FLAD1: variants seen among roughly 807,000 people sequenced by gnomAD.
The protein encoded by FLAD1 is flavin adenine dinucleotide synthetase 1, also known as bifunctional FAD diphosphatase/FAD synthase.
A neutral mutation model predicts 55.0 loss-of-function variants in FLAD1; 35 were observed. The ratio of observed to expected loss-of-function variants is 0.64; its 90% CI spans 0.49 to 0.84. The LOEUF (loss-of-function observed/expected upper bound fraction) is 0.84, where lower values mean the gene tolerates loss of function less well. FLAD1 is among the 40% of genes least tolerant of loss of function. The pLI, the probability that FLAD1 is intolerant of heterozygous loss-of-function variation, is 0.00. For synonymous variants in FLAD1, 267 were observed against 303.0 expected, an observed-to-expected ratio of 0.88 and a Z score of 1.23; for missense variants, 665 against 742.6, an observed-to-expected ratio of 0.90 and a Z score of 1.21.
chr1:154,988,571 A>G lies in FLAD1; in HGVS notation c.839A>G (p.His280Arg). Residue 280 changes from histidine (H) to arginine (R), a missense_variant, in exon 2 of 7, where the codon CAC (histidine) becomes CGC (arginine). Coordinates refer to ENST00000292180, the MANE Select transcript of FLAD1 (RefSeq NM_025207.5). ...GLFQNPAVQFHSKELYVAADE... is the reference protein window; with the variant it reads ...GLFQNPAVQFRSKELYVAADE... The stretch of plus-strand genomic sequence containing the variant: ...TTCCAAAACCCAGCTGTTCAGTTCC[A>G]CTCAAAGGAGCTATATGTGGCTGCT... 1 of 1,614,016 alleles carries G rather than the reference A, an allele frequency of 6.2e-7. No homozygotes were observed. The highest frequency in any genetic ancestry group is 8.5e-7 in the Non-Finnish European group (1 of 1,179,970).
In FLAD1 at chr1:154,984,019, C is replaced by T; in HGVS notation, c.325C>T (p.Arg109Cys). Residue 109 changes from arginine (R) to cysteine (C), a missense_variant, in exon 1 of 7, where the codon CGC becomes TGC. Coordinates refer to ENST00000292180, the MANE Select transcript of FLAD1 (RefSeq NM_025207.5). ...TAGGGCCTCTGAACTTTCTCCGGGG[C>T]GCAGCGTGACGGCTGGCATCATCAT... ...TSRASELSPGRSVTAGIIIVG... is the reference protein window; with the variant it reads ...TSRASELSPGCSVTAGIIIVG... 1 of 1,512,160 alleles carries T rather than the reference C, an allele frequency of 6.6e-7. No homozygotes were observed. The highest frequency in any genetic ancestry group is 8.9e-7 in the Non-Finnish European group (1 of 1,129,614). The allele number at this position is 1,512,160 out of a possible 1,614,324, so 93.7% of individuals were successfully genotyped here. A position where few individuals can be genotyped will look rare whatever the true frequency, so the allele number is the denominator to read the frequency against.
chr1:154,988,653 G>A lies in FLAD1; in HGVS notation c.921G>A (p.Arg307=), dbSNP rs944435821. The change falls in exon 2 of 7, where the codon AGG becomes AGA. Residue 307 remains arginine, a synonymous_variant. Transcript: ENST00000292180. ...LAEAQAHFGR[R]LGLGSYPDWG... is the part of the protein sequence containing the mutation. ...AGGCCCAGGCCCACTTTGGACGTAG[G>A]CTTGGCCTGGGTTCCTACCCTGACT... 1.9e-6 allele frequency: 3 copies of A among 1,614,120 alleles called. No individual in the cohort carries two copies. In the African/African-American group the frequency reaches 4.0e-5, roughly 22 times the overall value.
intron 2 of FLAD1, among the ~76,000 whole-genome samples, chr1:154,989,321 C>A (rs999750875): frequency 6.6e-6 from 1 of 152,144 alleles, no homozygotes; most frequent in Non-Finnish European, 1.5e-5. Flanking sequence ...AGCCCACACC[C>A]CACACCCCCT....
chr1:154,986,549 T>G (rs186755176), intron 1 of FLAD1, among the ~76,000 whole-genome samples: 72 of 152,152 alleles, frequency 4.7e-4, no homozygotes, highest in Admixed American at 3.3e-3. Flanking sequence ...AGTTGGCACT[T>G]TTTTTCTTCT....
At chr1:154,992,595 GCCCT>G in intron 5 of FLAD1, 114 bp from the exon 6 acceptor site, 1 of 1,614,012 alleles carries the variant, frequency 6.2e-7, no homozygotes, top group Non-Finnish European at 8.5e-7. Context: ...CAGATAGCAA[GCCCT>G]CCCTCAGAGG....
intron 1 of FLAD1, among the ~76,000 whole-genome samples, chr1:154,984,447 C>T (rs1323084253): frequency 2.0e-5 from 3 of 152,080 alleles, no homozygotes; most frequent in Admixed American, 1.3e-4. Context: ...GGTGCGGTGG[C>T]TCACGCATGT....
chr1:154,985,483 A>G (rs1354164767), intron 1 of FLAD1, among the ~76,000 whole-genome samples: 2 of 149,830 alleles, frequency 1.3e-5, no homozygotes, highest in African/African-American at 4.9e-5. Context: ...GCTCACTGCA[A>G]CCTCCACCTC....
intron 2 of FLAD1, chr1:154,989,131 G>GTT (rs1657753305): frequency 1.4e-6 from 1 of 710,390 alleles, no homozygotes; most frequent in Admixed American, 3.0e-5. Flanking sequence ...GATCCTGCAT[G>GTT]GGGTGATGAA....
intron 5 of FLAD1, chr1:154,992,414 G>T: frequency 2.9e-6 from 2 of 695,182 alleles, no homozygotes; most frequent in Non-Finnish European, 4.8e-6. Context: ...CTGCACTCCA[G>T]CCTGGGCGAC....
rs1426328465 is a variant in FLAD1 at position 154,988,174 on chromosome 1, C to G, written c.442C>G (p.Arg148Gly). ...TLRSLGVQVC[R>G]VSVVPDEVAT... The stretch of plus-strand genomic sequence containing the variant: ...GCGCTCCCTAGGGGTCCAGGTTTGC[C>G]GAGTCTCAGTTGTACCTGATGAGGT... Residue 148 changes from arginine to glycine, a missense_variant, in exon 2 of 7, where the codon CGA (arginine) becomes GGA (glycine). Coordinates refer to ENST00000292180, the MANE Select transcript of FLAD1 (RefSeq NM_025207.5). 6.2e-7 allele frequency: 1 copy of G among 1,614,234 alleles called. No individual in the cohort carries two copies. Among genetic ancestry groups the G allele is most frequent in the South Asian group, 1.1e-5 (1 of 91,088 alleles).
At chr1:154,992,853 A>G (rs1393213295) in intron 6 of FLAD1, 49 bp from the exon 7 acceptor site, 1 of 1,613,892 alleles carries the variant, frequency 6.2e-7, no homozygotes, top group Non-Finnish European at 8.5e-7. Context: ...GAGGGCCAAT[A>G]GGATCGCCCA....
At position 154,984,036 on chromosome 1, in the gene FLAD1, C is replaced by T; in HGVS notation, c.342C>T (p.Gly114=). Reference sequence around the variant, plus strand: ...CTCCGGGGCGCAGCGTGACGGCTGGCATCATCATTGTTGGAGATGAGATCC... The same window carrying T: ...CTCCGGGGCGCAGCGTGACGGCTGGTATCATCATTGTTGGAGATGAGATCC... ...ELSPGRSVTA[G]IIIVGDEILK... is the part of the protein sequence containing the mutation. The change falls in exon 1 of 7, where the codon GGC becomes GGT. Residue 114 remains glycine, a synonymous_variant. Transcript: ENST00000292180. 3 of 1,512,512 alleles carry T rather than the reference C, an allele frequency of 2.0e-6. No homozygotes were observed. The highest frequency in any genetic ancestry group is 2.7e-6 in the Non-Finnish European group (3 of 1,130,290). 93.7% of individuals were successfully genotyped at this position (1,512,512 alleles called of 1,614,324 possible). A position where few individuals can be genotyped will look rare whatever the true frequency, so the allele number is the denominator to read the frequency against.
chr1:154,984,890 G>T (rs181962651), intron 1 of FLAD1, among the ~76,000 whole-genome samples: 32 of 152,066 alleles, frequency 2.1e-4, no homozygotes, highest in African/African-American at 7.5e-4. Context: ...TTTGAGACAA[G>T]ATTTTGCTCT....
intron 5 of FLAD1, 109 bp downstream of exon 5, chr1:154,990,637 G>A: frequency 9.2e-7 from 1 of 1,089,124 alleles, no homozygotes; most frequent in Non-Finnish European, 1.3e-6. Flanking sequence ...CTGGATGAAG[G>A]GGCCTCATCA....
Position 154,991,958 on chromosome 1 carries a change from T to C in FLAD1, c.1555-755T>C, listed in dbSNP as rs188714244. ...GATTTCAAGACCAGCCTGACCAACA[T>C]GGTGAAACCCCATCTCTACTAAAAA... On this transcript the variant is annotated intron_variant, in intron 5 of 6. Coordinates refer to ENST00000292180, the MANE Select transcript of FLAD1 (RefSeq NM_025207.5). 9.3e-3 allele frequency among the ~76,000 whole-genome samples: 1,369 copies of C among 147,590 alleles called. 19 individuals carry two copies. Among genetic ancestry groups the C allele is most frequent in the African/African-American group, 0.033 (1,315 of 39,872 alleles).
chr1:154,983,439 A>G lies in FLAD1; in HGVS notation c.-256A>G. Reference sequence around the variant, plus strand: ...GCTCAGTAATCTGAAGCTTGGTGGGAAGAAGGGATTCTGGGCTAGAAAGGG... The same window carrying G: ...GCTCAGTAATCTGAAGCTTGGTGGGGAGAAGGGATTCTGGGCTAGAAAGGG... On this transcript the variant is annotated 5_prime_UTR_variant, in exon 1 of 7. Coordinates refer to ENST00000292180, the MANE Select transcript of FLAD1 (RefSeq NM_025207.5). The G allele has an allele frequency of 2.6e-6, 1 of 391,730 alleles. No individual in the cohort carries two copies. The highest frequency in any genetic ancestry group is 5.9e-5 in the South Asian group (1 of 16,966). 24.3% of individuals were successfully genotyped at this position (391,730 alleles called of 1,614,324 possible).
Position 154,983,566 on chromosome 1 carries a change from G to A in FLAD1, c.-129G>A. ...CAGGATAAGGTAGACATTTAAAGGG[G>A]TACGGATGCCCAAGGTAGAGCAGAC... On this transcript the variant is annotated 5_prime_UTR_variant, in exon 1 of 7. Coordinates refer to ENST00000292180, the MANE Select transcript of FLAD1 (RefSeq NM_025207.5). The A allele has an allele frequency of 1.1e-6, 1 of 946,970 alleles. No homozygotes were observed. Among genetic ancestry groups the A allele is most frequent in the Non-Finnish European group, 1.6e-6 (1 of 633,358 alleles). The allele number at this position is 946,970 out of a possible 1,614,324, so 58.7% of individuals were successfully genotyped here. A position where few individuals can be genotyped will look rare whatever the true frequency, so the allele number is the denominator to read the frequency against.
chr1:154,984,674 C>G (rs993247670), intron 1 of FLAD1, among the ~76,000 whole-genome samples: 4 of 147,464 alleles, frequency 2.7e-5, no homozygotes, highest in African/African-American at 1.0e-4. Context: ...TGCCATTGCA[C>G]TCCAGCCTGG....
intron 2 of FLAD1, 129 bp from the exon 3 acceptor site, chr1:154,989,431 A>T (rs1657766330): frequency 1.6e-5 from 15 of 963,210 alleles, no homozygotes; most frequent in Non-Finnish European, 2.1e-5. Context: ...GGCAGCATGA[A>T]GGAGTTTGGA....
Sources: allele counts gnomAD v4.1 joint callset (sites outside exome capture counted in the v4.1 genomes callset), GRCh38; gene constraint gnomAD v4.1.1; transcripts MANE v1.5; gene names NCBI Gene and HGNC (gene_info 2026-07-23, HGNC 2026-07-21).